The following EXOC6B variants were observed in gnomAD, a reference collection of about 807,000 sequenced individuals.
The protein encoded by EXOC6B is SEC15 homolog B.
EXOC6B carries 54 observed loss-of-function variants against 113.5 expected under a neutral mutation model. The ratio of observed to expected loss-of-function variants is 0.48; its 90% CI spans 0.38 to 0.60. EXOC6B has a LOEUF of 0.60. Among genes scored for constraint, EXOC6B ranks in the 20% least tolerant of loss-of-function variants. EXOC6B has a pLI of 0.00. For missense variants in EXOC6B, 797 were observed against 977.5 expected, an observed-to-expected ratio of 0.82 and a Z score of 2.46; for synonymous variants, 357 against 339.0, an observed-to-expected ratio of 1.05 and a Z score of -0.58.
intron 6 of EXOC6B, among the ~76,000 whole-genome samples, chr2:72,615,641 A>G (rs1181594146): frequency 6.6e-6 from 1 of 152,054 alleles, no homozygotes. Flanking sequence ...GTAAAGCACA[A>G]ACAATTATGT....
chr2:72,360,137 G>A (rs1690217453), intron 19 of EXOC6B, among the ~76,000 whole-genome samples: 1 of 151,672 alleles, frequency 6.6e-6, no homozygotes, highest in South Asian at 2.1e-4. Context: ...ACCCAAGTTG[G>A]AGTGCAGTGG....
chr2:72,646,115 C>A (rs1434075891), intron 6 of EXOC6B, among the ~76,000 whole-genome samples: 1 of 152,096 alleles, frequency 6.6e-6, no homozygotes, highest in Admixed American at 6.6e-5. Context: ...GGGGATACCA[C>A]CACAGATCCT....
At chr2:72,203,187 CTCT>C (rs1679599846) in intron 20 of EXOC6B, among the ~76,000 whole-genome samples, 1 of 152,198 alleles carries the variant, frequency 6.6e-6, no homozygotes, top group Non-Finnish European at 1.5e-5. Context: ...TTTACAATGC[CTCT>C]TCTTTTCTCT....
chr2:72,331,230 A>G (rs1436911672), intron 20 of EXOC6B, among the ~76,000 whole-genome samples: 1 of 152,134 alleles, frequency 6.6e-6, no homozygotes, highest in Non-Finnish European at 1.5e-5. Flanking sequence ...GGCACAGATT[A>G]TACTATATTC....
intron 6 of EXOC6B, among the ~76,000 whole-genome samples, chr2:72,660,479 T>C (rs1350480503): frequency 6.6e-6 from 1 of 152,194 alleles, no homozygotes; most frequent in African/African-American, 2.4e-5. Flanking sequence ...CAATGTCTCC[T>C]AACAAAACTT....
chr2:72,647,754 T>C (rs981969929), intron 6 of EXOC6B, among the ~76,000 whole-genome samples: 4 of 152,228 alleles, frequency 2.6e-5, no homozygotes, highest in Middle Eastern at 3.4e-3. Flanking sequence ...TGGATCCCTT[T>C]CTTACACCTT....
Position 72,314,473 on chromosome 2 carries a change from G to A in EXOC6B, c.2196+20474C>T, listed in dbSNP as rs114690305. On this transcript the variant is annotated intron_variant, in intron 20 of 21. Transcript: ENST00000272427. ...TGGTTTTCCTTAAGTCTCACTGCCA[G>A]TTGTGACAGAGACTTTGGCACCTGG... 7.3e-3 allele frequency among the ~76,000 whole-genome samples: 1,104 copies of A among 152,242 alleles called. 15 individuals carry two copies. Among genetic ancestry groups the A allele is most frequent in the African/African-American group, 0.024 (1,009 of 41,554 alleles).
At chr2:72,357,551 C>G (rs906258181) in intron 19 of EXOC6B, among the ~76,000 whole-genome samples, 1 of 151,926 alleles carries the variant, frequency 6.6e-6, no homozygotes, top group Admixed American at 6.6e-5. Flanking sequence ...ATTAGCCAGG[C>G]GTTGGTGTTG....
rs905741746 is a variant in EXOC6B, at chr2:72,711,422, A to G, written c.669+6681T>C. On this transcript the variant is annotated intron_variant, in intron 6 of 21. Transcript: ENST00000272427. ...ATGACAACAACAAACGCAATGTAAG[A>G]ACCTAAAAGATTTGTTGAAAATAAA... Among the ~76,000 whole-genome samples the G allele has an allele frequency of 7.9e-5, 12 of 152,308 alleles. No homozygotes were observed. In the East Asian group the frequency reaches 9.6e-4, roughly 12 times the overall value.
At position 72,492,377 on chromosome 2, in the gene EXOC6B, T is replaced by C; in HGVS notation, c.1606A>G (p.Arg536Gly). 1 of 1,613,118 alleles carries C rather than the reference T, an allele frequency of 6.2e-7. No individual in the cohort carries two copies. The highest frequency in any genetic ancestry group is 8.5e-7 in the Non-Finnish European group (1 of 1,179,216). ...IRKSTNLLLT[R>G]TLSNSLQNVI... The stretch of plus-strand genomic sequence containing the variant: ...TTCTGCAGAGAGTTGCTCAGAGTCC[T>C]GGTTAGCAACAGGTTTGTTGATTTC... Residue 536 changes from arginine to glycine, a missense_variant, in exon 16 of 22, where the codon AGG becomes GGG. By Grantham distance (125) the Arg-to-Gly change is moderately radical. Coordinates refer to ENST00000272427, the MANE Select transcript of EXOC6B (RefSeq NM_015189.3).
intron 6 of EXOC6B, among the ~76,000 whole-genome samples, chr2:72,635,007 C>A (rs1344221722): frequency 6.7e-6 from 1 of 149,678 alleles, no homozygotes; most frequent in African/African-American, 2.4e-5. Context: ...AGTAAAAATA[C>A]ATAGAACTGA....
chr2:72,805,677 T>C (rs906414759), intron 1 of EXOC6B, among the ~76,000 whole-genome samples: 4 of 152,200 alleles, frequency 2.6e-5, no homozygotes, highest in African/African-American at 9.7e-5. Flanking sequence ...TTCAAACATA[T>C]AGTACTTTAT....
chr2:72,332,472 G>A (rs911758754), intron 20 of EXOC6B, among the ~76,000 whole-genome samples: 16 of 152,042 alleles, frequency 1.1e-4, no homozygotes, highest in African/African-American at 2.9e-4. Context: ...AATAAATGAT[G>A]AGTAGGAAGC....
chr2:72,207,509 C>T (rs1037180823), intron 20 of EXOC6B, among the ~76,000 whole-genome samples: 3 of 152,172 alleles, frequency 2.0e-5, no homozygotes, highest in Non-Finnish European at 1.5e-5. Context: ...GCACTCAGGA[C>T]AGTGCCTTTT....
chr2:72,748,602 G>A (rs531688280), intron 1 of EXOC6B, among the ~76,000 whole-genome samples: 86 of 152,102 alleles, frequency 5.7e-4, no homozygotes, highest in South Asian at 2.1e-3. Context: ...TGCCACAGGA[G>A]ATCAAATACA....
At chr2:72,202,123 T>C (rs1345506787) in intron 20 of EXOC6B, among the ~76,000 whole-genome samples, 2 of 152,216 alleles carry the variant, frequency 1.3e-5, no homozygotes, top group South Asian at 2.1e-4. Flanking sequence ...ATTAGATCTA[T>C]GTATTTATCA....
At chr2:72,772,627 C>T (rs890808846) in intron 1 of EXOC6B, among the ~76,000 whole-genome samples, 1 of 152,078 alleles carries the variant, frequency 6.6e-6, no homozygotes, top group African/African-American at 2.4e-5. Context: ...CACACCCAGG[C>T]AACAGGACTG....
intron 6 of EXOC6B, among the ~76,000 whole-genome samples, chr2:72,661,111 G>A (rs1674979363): frequency 6.8e-6 from 1 of 146,244 alleles, no homozygotes; most frequent in African/African-American, 2.8e-5. Flanking sequence ...GGAGCTATAG[G>A]GCCAAGAGGG....
At chr2:72,439,960 T>C (rs1461335255) in intron 18 of EXOC6B, among the ~76,000 whole-genome samples, 1 of 152,108 alleles carries the variant, frequency 6.6e-6, no homozygotes, top group African/African-American at 2.4e-5. Flanking sequence ...GTTCATTTGC[T>C]CTAGTCCCTA....
Sources: allele counts gnomAD v4.1 joint callset (sites outside exome capture counted in the v4.1 genomes callset), GRCh38; gene constraint gnomAD v4.1.1; transcripts MANE v1.5; gene names NCBI Gene and HGNC (gene_info 2026-07-23, HGNC 2026-07-21).